The following GNAQ variants were observed in gnomAD, a reference collection of about 807,000 sequenced individuals.
GNAQ encodes the protein G protein subunit alpha q, also known as guanine nucleotide-binding protein G(q) subunit alpha.
In GNAQ, 8 loss-of-function variants were observed where a neutral mutation model predicts 43.9. The ratio of observed to expected loss-of-function variants is 0.18; its 90% CI spans 0.11 to 0.33. The LOEUF is 0.33. GNAQ is among the 10% of genes least tolerant of loss of function. GNAQ has a pLI of 1.00. For synonymous variants in GNAQ, 155 were observed against 170.7 expected, an observed-to-expected ratio of 0.91 and a Z score of 0.71; for missense variants, 158 against 450.8, an observed-to-expected ratio of 0.35 and a Z score of 5.88.
At chr9:77,754,122 A>G (rs939999104) in intron 5 of GNAQ, among the ~76,000 whole-genome samples, 1 of 152,162 alleles carries the variant, frequency 6.6e-6, no homozygotes, top group Non-Finnish European at 1.5e-5. Flanking sequence ...GGCACCCTGG[A>G]GTCTCTGCTG....
At chr9:77,846,678 C>A (rs1355697226) in intron 2 of GNAQ, among the ~76,000 whole-genome samples, 2 of 152,146 alleles carry the variant, frequency 1.3e-5, no homozygotes, top group South Asian at 2.1e-4. Context: ...TGAAGCACGT[C>A]CCTTTTAACC....
chr9:77,716,770 T>C lies in GNAQ; in HGVS notation c.*4553A>G, dbSNP rs1825232795. 1.7e-5 allele frequency: 4 copies of C among 232,814 alleles called. No individual in the cohort carries two copies. In the Admixed American group the frequency reaches 2.3e-4, roughly 13 times the overall value. 14.4% of individuals were successfully genotyped at this position (232,814 alleles called of 1,614,324 possible). A position where few individuals can be genotyped will look rare whatever the true frequency, so the allele number is the denominator to read the frequency against. On this transcript the variant is annotated 3_prime_UTR_variant, in exon 7 of 7. Coordinates refer to ENST00000286548, the MANE Select transcript of GNAQ (RefSeq NM_002072.5). ...AACATGTAAATGTCATTTGCTATAT[T>C]GGGTTGGAATCATACGGGGAAATGG... is the stretch of plus-strand genomic sequence containing the variant.
At chr9:78,008,215 G>T (rs372324587) in intron 1 of GNAQ, among the ~76,000 whole-genome samples, 2 of 152,170 alleles carry the variant, frequency 1.3e-5, no homozygotes, top group African/African-American at 2.4e-5. Flanking sequence ...CCCTGTAAAG[G>T]GGACATGCTC....
chr9:77,994,732 T>G (rs573420451), intron 1 of GNAQ, among the ~76,000 whole-genome samples: 23 of 152,310 alleles, frequency 1.5e-4, no homozygotes, highest in African/African-American at 5.5e-4. Context: ...TACTTTTACT[T>G]CATTCGCCCC....
chr9:77,808,199 C>A (rs572383424), intron 3 of GNAQ, among the ~76,000 whole-genome samples: 3 of 152,072 alleles, frequency 2.0e-5, no homozygotes. Flanking sequence ...TGGGGCTAAA[C>A]CCAGCCCTTT....
intron 2 of GNAQ, among the ~76,000 whole-genome samples, chr9:77,883,385 T>G (rs1024982036): frequency 1.3e-5 from 2 of 152,016 alleles, no homozygotes; most frequent in African/African-American, 4.8e-5. Flanking sequence ...AAGAAACTTA[T>G]GAATCAGAGT....
intron 1 of GNAQ, among the ~76,000 whole-genome samples, chr9:78,027,468 G>C (rs1823996158): frequency 1.3e-5 from 2 of 152,110 alleles, no homozygotes; most frequent in African/African-American, 4.8e-5. Flanking sequence ...TGTACAACAG[G>C]AAGAAAATCT....
chr9:77,894,641 T>C (rs1828471058), intron 2 of GNAQ, among the ~76,000 whole-genome samples: 1 of 151,146 alleles, frequency 6.6e-6, no homozygotes, highest in Non-Finnish European at 1.5e-5. Context: ...CAGGAAGGTC[T>C]AGATCCCTTG....
chr9:77,763,825 T>C (rs763741552), intron 5 of GNAQ, among the ~76,000 whole-genome samples: 11 of 152,324 alleles, frequency 7.2e-5, no homozygotes, highest in Non-Finnish European at 1.5e-4. Context: ...AGAAACAGTT[T>C]GTGAAAGTCT....
chr9:77,783,852 A>G (rs903648430), intron 5 of GNAQ, among the ~76,000 whole-genome samples: 1 of 152,138 alleles, frequency 6.6e-6, no homozygotes. Flanking sequence ...GGATCACTGG[A>G]GCCTAGGAGT....
At chr9:77,895,055 G>A (rs1828476591) in intron 2 of GNAQ, among the ~76,000 whole-genome samples, 1 of 151,578 alleles carries the variant, frequency 6.6e-6, no homozygotes, top group South Asian at 2.1e-4. Context: ...AAAATTAGTT[G>A]GGCGTGGTGG....
intron 2 of GNAQ, among the ~76,000 whole-genome samples, chr9:77,823,867 T>C (rs773318317): frequency 6.6e-6 from 1 of 152,196 alleles, no homozygotes; most frequent in Non-Finnish European, 1.5e-5. Flanking sequence ...CCAAACCATA[T>C]CAATGTTGTA....
At chr9:77,761,895 A>G (rs1587904139) in intron 5 of GNAQ, among the ~76,000 whole-genome samples, 2 of 73,966 alleles carry the variant, frequency 2.7e-5, no homozygotes, top group Non-Finnish European at 5.3e-5. Flanking sequence ...TCCGGGAGGG[A>G]GGTGGGGGGT....
chr9:77,880,340 C>T (rs1828188279), intron 2 of GNAQ, among the ~76,000 whole-genome samples: 1 of 152,086 alleles, frequency 6.6e-6, no homozygotes, highest in African/African-American at 2.4e-5. Flanking sequence ...ACAGGTAAGA[C>T]AGCCAGTAAG....
intron 2 of GNAQ, among the ~76,000 whole-genome samples, chr9:77,882,035 G>C (rs1289841743): frequency 2.6e-5 from 4 of 152,154 alleles, no homozygotes; most frequent in Non-Finnish European, 4.4e-5. Flanking sequence ...TTACTTGAGA[G>C]GCTGCGGCAG....
At chr9:77,827,235 T>C (rs896076130) in intron 2 of GNAQ, among the ~76,000 whole-genome samples, 2 of 151,728 alleles carry the variant, frequency 1.3e-5, no homozygotes, top group African/African-American at 4.8e-5. Context: ...GTCTAAGATA[T>C]GGAAATACAT....
intron 1 of GNAQ, 152 bp downstream of exon 1, chr9:78,030,948 G>A (rs1824049059): frequency 2.5e-6 from 1 of 395,206 alleles, no homozygotes; most frequent in South Asian, 1.1e-4. Flanking sequence ...GCGCGCCCGC[G>A]CGGGTGAAGG....
At chr9:77,857,641 A>C (rs1024157916) in intron 2 of GNAQ, among the ~76,000 whole-genome samples, 1 of 136,796 alleles carries the variant, frequency 7.3e-6, no homozygotes, top group African/African-American at 2.7e-5. Flanking sequence ...GAAGGACGGA[A>C]AGGGGGGAAG....
intron 2 of GNAQ, among the ~76,000 whole-genome samples, chr9:77,864,777 CAAT>C (rs1305811166): frequency 6.6e-6 from 1 of 152,158 alleles, no homozygotes; most frequent in African/African-American, 2.4e-5. Flanking sequence ...GTTACAGCAG[CAAT>C]AGGAAATGAA....
Sources: gnomAD v4.1 joint callset for allele counts (sites outside exome capture counted in the v4.1 genomes callset) on GRCh38, gnomAD v4.1.1 for gene constraint, MANE v1.5 for transcripts, NCBI Gene and HGNC (gene_info 2026-07-23, HGNC 2026-07-21) for gene names.